CNTNAP5: variants seen among roughly 807,000 people sequenced by gnomAD.
The protein encoded by CNTNAP5 is contactin associated protein family member 5.
In CNTNAP5, 72 loss-of-function variants were observed where a neutral mutation model predicts 150.2. The observed-to-expected ratio is 0.48, with a 90% CI of 0.40 to 0.58. CNTNAP5 has a LOEUF of 0.58. Ranked by LOEUF, CNTNAP5 falls within the 20% of genes least tolerant of loss-of-function variation. CNTNAP5 has a pLI of 0.00. For missense variants in CNTNAP5, 1,636 were observed against 1,626.2 expected, an observed-to-expected ratio of 1.01 and a Z score of -0.10; for synonymous variants, 672 against 619.8, an observed-to-expected ratio of 1.08 and a Z score of -1.25.
intron 12 of CNTNAP5, among the ~76,000 whole-genome samples, chr2:124,629,951 A>AAAAAAAAAAAC (rs1422707257): frequency 1.3e-5 from 2 of 148,908 alleles, no homozygotes; most frequent in Non-Finnish European, 1.5e-5. Flanking sequence ...AAAAAAAAAA[A>AAAAAAAAAAAC]AAAACTGGAA....
intron 3 of CNTNAP5, among the ~76,000 whole-genome samples, chr2:124,244,710 G>A (rs1686975084): frequency 6.6e-6 from 1 of 152,144 alleles, no homozygotes; most frequent in African/African-American, 2.4e-5. Flanking sequence ...ACCATGACCG[G>A]TCATGTACAG....
chr2:124,809,033 C>T (rs1022215756), intron 19 of CNTNAP5, among the ~76,000 whole-genome samples: 1 of 151,786 alleles, frequency 6.6e-6, no homozygotes, highest in South Asian at 2.1e-4. Context: ...AAGAACTGAA[C>T]AGCCCCATGA....
At chr2:124,793,040 G>A (rs1169542459) in intron 18 of CNTNAP5, among the ~76,000 whole-genome samples, 3 of 152,082 alleles carry the variant, frequency 2.0e-5, no homozygotes, top group Non-Finnish European at 4.4e-5. Flanking sequence ...TATCCTCTTG[G>A]ATATATACCT....
chr2:124,791,394 G>A (rs1558777378), intron 18 of CNTNAP5, among the ~76,000 whole-genome samples: 1 of 152,064 alleles, frequency 6.6e-6, no homozygotes, highest in Non-Finnish European at 1.5e-5. Context: ...CCATTCCAGG[G>A]GCTCATATTA....
At chr2:124,390,325 A>G (rs1043951103) in intron 3 of CNTNAP5, among the ~76,000 whole-genome samples, 1 of 152,204 alleles carries the variant, frequency 6.6e-6, no homozygotes, top group Non-Finnish European at 1.5e-5. Context: ...AATCCTGATG[A>G]GTGGCTTCTG....
chr2:124,775,470 C>T (rs1056890023), intron 17 of CNTNAP5, among the ~76,000 whole-genome samples: 6 of 152,070 alleles, frequency 3.9e-5, no homozygotes, highest in East Asian at 1.9e-4. Flanking sequence ...TATCTTTGGC[C>T]GCTGAAGGAT....
At chr2:124,825,513 A>T (rs1044212970) in intron 19 of CNTNAP5, among the ~76,000 whole-genome samples, 8 of 152,184 alleles carry the variant, frequency 5.3e-5, no homozygotes, top group Admixed American at 3.3e-4. Flanking sequence ...CTGTGGGTGG[A>T]GTGAGAGTGA....
chr2:124,873,773 A>G (rs1677798435), intron 21 of CNTNAP5, among the ~76,000 whole-genome samples: 1 of 152,120 alleles, frequency 6.6e-6, no homozygotes, highest in South Asian at 2.1e-4. Context: ...ATTGCTTTGT[A>G]GGACATTTCC....
At chr2:124,853,496 T>C (rs546615460) in intron 19 of CNTNAP5, among the ~76,000 whole-genome samples, 10 of 152,318 alleles carry the variant, frequency 6.6e-5, no homozygotes, top group African/African-American at 2.2e-4. Context: ...CGCTCCACTG[T>C]CCTACAGTTC....
rs78718225 is a variant in CNTNAP5 at position 124,916,883 on chromosome 2, A to T, written c.*2595A>T. On this transcript the variant is annotated 3_prime_UTR_variant, in exon 24 of 24. Coordinates refer to ENST00000682447, the MANE Select transcript of CNTNAP5 (RefSeq NM_001367498.1). The stretch of plus-strand genomic sequence containing the variant: ...TATTTTTACAGGGTTGAATTATTTC[A>T]TAACCCCAGAGAACACTAACTTTCA... Among the ~76,000 whole-genome samples, 4,716 of 152,118 alleles carry T rather than the reference A, an allele frequency of 0.031. 263 individuals carry two copies. Among genetic ancestry groups the T allele is most frequent in the African/African-American group, 0.11 (4,420 of 41,490 alleles).
chr2:124,378,783 G>A (rs557880813), intron 3 of CNTNAP5, among the ~76,000 whole-genome samples: 2 of 152,098 alleles, frequency 1.3e-5, no homozygotes, highest in South Asian at 2.1e-4. Context: ...TGCTCGTATC[G>A]AGGTATTGCT....
chr2:124,747,312 T>C lies in CNTNAP5; in HGVS notation c.2161T>C (p.Cys721Arg). Reference sequence around the variant, plus strand: ...AGGTTCCCCTCCTGGGGTCCAGCAGTGTGAGTGTGGCCTAGACGAGAGCTG... The same window carrying C: ...AGGTTCCCCTCCTGGGGTCCAGCAGCGTGAGTGTGGCCTAGACGAGAGCTG... Reference protein sequence around the residue: ...WGGSPPGVQQCECGLDESCLD... With the variant: ...WGGSPPGVQQRECGLDESCLD... Residue 721 changes from cysteine to arginine, a missense_variant, in exon 14 of 24, where the codon TGT becomes CGT. By Grantham distance (180) the Cys-to-Arg change is radical. Coordinates refer to ENST00000682447, the MANE Select transcript of CNTNAP5 (RefSeq NM_001367498.1). 1 of 1,613,836 alleles carries C rather than the reference T, an allele frequency of 6.2e-7. No homozygotes were observed. The highest frequency in any genetic ancestry group is 8.5e-7 in the Non-Finnish European group (1 of 1,179,790).
chr2:124,313,512 G>A (rs1688885141), intron 3 of CNTNAP5, among the ~76,000 whole-genome samples: 1 of 152,146 alleles, frequency 6.6e-6, no homozygotes, highest in Admixed American at 6.5e-5. Context: ...GAATTGCCTA[G>A]AAACTCAAAA....
At chr2:124,381,541 T>G (rs1000530016) in intron 3 of CNTNAP5, among the ~76,000 whole-genome samples, 59 of 152,040 alleles carry the variant, frequency 3.9e-4, no homozygotes, top group Non-Finnish European at 5.6e-4. Context: ...CACCCCCCCC[T>G]CCAAGACTGC....
intron 19 of CNTNAP5, among the ~76,000 whole-genome samples, chr2:124,822,904 T>C (rs1302840975): frequency 6.6e-6 from 1 of 152,180 alleles, no homozygotes; most frequent in East Asian, 1.9e-4. Flanking sequence ...GGAAGACCTT[T>C]GGGAACATGT....
chr2:124,367,241 C>T (rs950483059), intron 3 of CNTNAP5, among the ~76,000 whole-genome samples: 1 of 152,112 alleles, frequency 6.6e-6, no homozygotes, highest in African/African-American at 2.4e-5. Flanking sequence ...CCTATTAGTC[C>T]ATTCTCATGG....
chr2:124,569,174 A>G (rs1453880572), intron 11 of CNTNAP5, among the ~76,000 whole-genome samples: 2 of 152,152 alleles, frequency 1.3e-5, no homozygotes, highest in Non-Finnish European at 1.5e-5. Context: ...CTTGATTCAT[A>G]TTTCCAACTT....
intron 13 of CNTNAP5, among the ~76,000 whole-genome samples, chr2:124,704,773 C>T (rs138513993): frequency 1.3e-5 from 2 of 151,816 alleles, no homozygotes; most frequent in East Asian, 3.9e-4. Flanking sequence ...CCAACTTCTA[C>T]CACCTCACCT....
chr2:124,195,200 CG>C (rs1685554878), intron 1 of CNTNAP5, among the ~76,000 whole-genome samples: 1 of 152,080 alleles, frequency 6.6e-6, no homozygotes, highest in Non-Finnish European at 1.5e-5. Context: ...GTGGTATGGC[CG>C]GGTGTGGCCA....
Sources: gnomAD v4.1 joint callset for allele counts (sites outside exome capture counted in the v4.1 genomes callset) on GRCh38, gnomAD v4.1.1 for gene constraint, MANE v1.5 for transcripts, NCBI Gene and HGNC (gene_info 2026-07-23, HGNC 2026-07-21) for gene names.